The following MYO3B variants were observed in gnomAD, a reference collection of about 807,000 sequenced individuals.
MYO3B encodes the protein myosin-IIIb.
A neutral mutation model predicts 174.6 loss-of-function variants in MYO3B; 156 were observed. That is an observed-to-expected ratio of 0.89 (90% confidence interval 0.78 to 1.02). MYO3B has a LOEUF of 1.02. MYO3B is among the 50% of genes least tolerant of loss of function. The pLI is 0.00. For synonymous variants in MYO3B, 563 were observed against 569.1 expected, an observed-to-expected ratio of 0.99 and a Z score of 0.15; for missense variants, 1,632 against 1,639.4, an observed-to-expected ratio of 1.00 and a Z score of 0.08.
At chr2:170,287,838 T>C (rs1293133044) in intron 7 of MYO3B, among the ~76,000 whole-genome samples, 1 of 152,126 alleles carries the variant, frequency 6.6e-6, no homozygotes, top group East Asian at 1.9e-4. Context: ...TGTTTTCTTC[T>C]AGTAGTTTCA....
chr2:170,319,175 A>G (rs2093797384), intron 7 of MYO3B, among the ~76,000 whole-genome samples: 1 of 152,212 alleles, frequency 6.6e-6, no homozygotes, highest in Non-Finnish European at 1.5e-5. Flanking sequence ...AAACTGCACT[A>G]TGAGTTAGGC....
At chr2:170,400,405 T>G in intron 17 of MYO3B, 91 bp downstream of exon 17, 1 of 1,067,934 alleles carries the variant, frequency 9.4e-7, no homozygotes, top group Non-Finnish European at 1.2e-6. Flanking sequence ...GCTGGTCCTT[T>G]TTTTTTTTTT....
intron 23 of MYO3B, among the ~76,000 whole-genome samples, chr2:170,460,631 C>T (rs748220427): frequency 6.6e-6 from 1 of 151,866 alleles, no homozygotes; most frequent in Non-Finnish European, 1.5e-5. Flanking sequence ...TTCCAAACAT[C>T]ACTCTGTATG....
chr2:170,436,234 T>A (rs1485513991), intron 22 of MYO3B, among the ~76,000 whole-genome samples: 1 of 152,182 alleles, frequency 6.6e-6, no homozygotes, highest in African/African-American at 2.4e-5. Flanking sequence ...CAATGAGCAA[T>A]GCTTAGCTGG....
intron 9 of MYO3B, among the ~76,000 whole-genome samples, chr2:170,380,855 C>A (rs2094330021): frequency 6.6e-6 from 1 of 152,182 alleles, no homozygotes; most frequent in Admixed American, 6.5e-5. Context: ...GTGGCATATG[C>A]CTGTAATCCC....
chr2:170,395,368 A>G (rs1045694163), intron 16 of MYO3B, among the ~76,000 whole-genome samples: 2 of 152,214 alleles, frequency 1.3e-5, no homozygotes, highest in African/African-American at 4.8e-5. Context: ...GTTTCTATTT[A>G]ATGCTACATG....
At position 170,466,494 on chromosome 2, in the gene MYO3B, T is replaced by C. The variant is rs761893322; in HGVS notation, c.2809-12T>C. 8.7e-6 allele frequency: 14 copies of C among 1,613,398 alleles called. No homozygotes were observed. Among genetic ancestry groups the C allele is most frequent in the African/African-American group, 1.3e-5 (1 of 74,922 alleles). On this transcript the variant is annotated splice_polypyrimidine_tract_variant and intron_variant, in intron 24 of 34. Transcript: ENST00000408978. Reference sequence around the variant, plus strand: ...GGTAACCTTGTTCCTTGTGCATTTTTCTCCCTGGTAGTATTCTCTGATGGA... The same window carrying C: ...GGTAACCTTGTTCCTTGTGCATTTTCCTCCCTGGTAGTATTCTCTGATGGA...
chr2:170,199,186 A>G (rs1261305321), intron 1 of MYO3B, 22 bp from the exon 2 acceptor site: 1 of 1,569,724 alleles, frequency 6.4e-7, no homozygotes, highest in Admixed American at 1.8e-5. Context: ...TGTTGCACAT[A>G]ACAAATTTTT....
chr2:170,615,656 T>C (rs1005323637), intron 32 of MYO3B, among the ~76,000 whole-genome samples: 3 of 152,210 alleles, frequency 2.0e-5, no homozygotes, highest in Non-Finnish European at 2.9e-5. Context: ...TGGACGCAGA[T>C]TAGTATTGCA....
chr2:170,426,677 T>TA (rs1211090234), intron 22 of MYO3B, among the ~76,000 whole-genome samples: 3 of 152,120 alleles, frequency 2.0e-5, no homozygotes, highest in Non-Finnish European at 4.4e-5. Flanking sequence ...TGGCAAGTCT[T>TA]ACGCAGTAGC....
At chr2:170,325,995 A>C (rs779095527) in intron 7 of MYO3B, among the ~76,000 whole-genome samples, 1 of 152,142 alleles carries the variant, frequency 6.6e-6, no homozygotes, top group Non-Finnish European at 1.5e-5. Context: ...AACAATTTTC[A>C]TATAAAACAA....
intron 12 of MYO3B, 140 bp downstream of exon 12, chr2:170,383,954 C>A: frequency 1.6e-6 from 1 of 638,140 alleles, no homozygotes; most frequent in Non-Finnish European, 2.8e-6. Flanking sequence ...GAAGTGGCAG[C>A]TCTGTGGAAC....
At position 170,391,658 on chromosome 2, in the gene MYO3B, G is replaced by A. The variant is rs180712877; in HGVS notation, c.1676+40G>A. 3.8e-5 allele frequency: 44 copies of A among 1,165,662 alleles called. No homozygotes were observed. The East Asian group carries it at 8.3e-4, about 22-fold the overall frequency. 72.2% of individuals were successfully genotyped at this position (1,165,662 alleles called of 1,614,324 possible). On this transcript the variant is annotated intron_variant, in intron 15 of 34. Coordinates refer to ENST00000408978, the MANE Select transcript of MYO3B (RefSeq NM_138995.5). ...GGTTGGTTGTTAATTTTTGATGAATGTACGATTAGCAGTTGACAAACTTGG... is the reference window on the plus strand; with the variant it reads ...GGTTGGTTGTTAATTTTTGATGAATATACGATTAGCAGTTGACAAACTTGG...
At chr2:170,331,542 T>C (rs1324116780) in intron 7 of MYO3B, among the ~76,000 whole-genome samples, 3 of 152,120 alleles carry the variant, frequency 2.0e-5, no homozygotes, top group Non-Finnish European at 4.4e-5. Flanking sequence ...TCTATTACCG[T>C]CATAACAAAT....
intron 24 of MYO3B, among the ~76,000 whole-genome samples, chr2:170,466,222 T>C (rs1430757230): frequency 6.0e-5 from 9 of 149,942 alleles, no homozygotes; most frequent in African/African-American, 2.2e-4. Context: ...AGCATTCTAG[T>C]TCTGGCGGTG....
chr2:170,465,737 C>T (rs1290033351), intron 24 of MYO3B, among the ~76,000 whole-genome samples: 1 of 152,190 alleles, frequency 6.6e-6, no homozygotes, highest in African/African-American at 2.4e-5. Context: ...AGTGCTAAAC[C>T]TGAAAAATAA....
At chr2:170,221,348 C>T (rs1030019160) in intron 6 of MYO3B, among the ~76,000 whole-genome samples, 1 of 152,034 alleles carries the variant, frequency 6.6e-6, no homozygotes, top group Admixed American at 6.6e-5. Flanking sequence ...ATTGTTTTTT[C>T]CCTTTTTTAT....
At chr2:170,230,545 G>A (rs930849565) in intron 6 of MYO3B, among the ~76,000 whole-genome samples, 6 of 151,574 alleles carry the variant, frequency 4.0e-5, no homozygotes, top group African/African-American at 1.5e-4. Flanking sequence ...AAGAATCCCA[G>A]CAGTCAACAA....
chr2:170,374,290 T>G, intron 9 of MYO3B, among the ~76,000 whole-genome samples: 1 of 152,082 alleles, frequency 6.6e-6, no homozygotes, highest in East Asian at 1.9e-4. Context: ...GGGAAGAAAG[T>G]GACACCAGAC....
Sources: gnomAD v4.1 joint callset for allele counts (sites outside exome capture counted in the v4.1 genomes callset) on GRCh38, gnomAD v4.1.1 for gene constraint, MANE v1.5 for transcripts, NCBI Gene and HGNC (gene_info 2026-07-23, HGNC 2026-07-21) for gene names.